DPYD: variants seen among roughly 807,000 people sequenced by gnomAD.
DPYD encodes the protein dihydropyrimidine dehydrogenase [NADP(+)].
Under a neutral mutation model 116.2 loss-of-function variants are expected in DPYD, and 109 were observed. That is an observed-to-expected ratio of 0.94 (90% CI 0.80 to 1.10). The LOEUF is 1.10. DPYD is among the 50% of genes least tolerant of loss of function. DPYD has a pLI of 0.00. For missense variants in DPYD, 1,302 were observed against 1,254.5 expected (o/e 1.04, Z -0.57); for synonymous variants, 440 against 432.0 (o/e 1.02, Z -0.23).
At chr1:97,102,961 C>A (rs568747063) in intron 20 of DPYD, among the ~76,000 whole-genome samples, 69 of 152,066 alleles carry the variant, frequency 4.5e-4, no homozygotes, top group Non-Finnish European at 7.9e-4. Context: ...TCTTTAAAAA[C>A]CTCAAAAAGC....
intron 20 of DPYD, among the ~76,000 whole-genome samples, chr1:97,165,903 T>C (rs1213896754): frequency 7.4e-6 from 1 of 135,292 alleles, no homozygotes; most frequent in African/African-American, 3.0e-5. Flanking sequence ...ATGACTACTA[T>C]TAAAAAGTTA....
chr1:97,613,330 C>T (rs1230421530), intron 8 of DPYD, among the ~76,000 whole-genome samples: 1 of 152,022 alleles, frequency 6.6e-6, no homozygotes, highest in Non-Finnish European at 1.5e-5. Context: ...TCCTTTATCA[C>T]ACTCTTTGTT....
At chr1:97,352,982 C>T (rs991596334) in intron 16 of DPYD, among the ~76,000 whole-genome samples, 1 of 151,646 alleles carries the variant, frequency 6.6e-6, no homozygotes, top group African/African-American at 2.4e-5. Context: ...GTGGGGGAGC[C>T]CATGAAGGCA....
At chr1:97,509,766 A>G (rs1490640306) in intron 13 of DPYD, among the ~76,000 whole-genome samples, 1 of 151,960 alleles carries the variant, frequency 6.6e-6, no homozygotes, top group Admixed American at 6.6e-5. Context: ...ACAGTTTGTT[A>G]AGACTTTAGA....
chr1:97,720,766 T>TA, intron 5 of DPYD: 1 of 1,465,660 alleles, frequency 6.8e-7, no homozygotes, highest in Admixed American at 2.9e-5. Flanking sequence ...CCAAAGATTA[T>TA]AAAATCTTAC....
At chr1:97,714,541 AT>A (rs914594637) in intron 5 of DPYD, among the ~76,000 whole-genome samples, 20 of 150,446 alleles carry the variant, frequency 1.3e-4, no homozygotes, top group African/African-American at 4.4e-4. Context: ...TTGTATTTAA[AT>A]TTTTCAGTAG....
chr1:97,150,449 A>C (rs1384114649), intron 20 of DPYD, among the ~76,000 whole-genome samples: 1 of 152,126 alleles, frequency 6.6e-6, no homozygotes, highest in East Asian at 1.9e-4. Flanking sequence ...GCACCATTCA[A>C]ATGTTCAAGA....
chr1:97,398,190 T>C (rs1292602594), intron 14 of DPYD, among the ~76,000 whole-genome samples: 4 of 152,072 alleles, frequency 2.6e-5, no homozygotes, highest in Non-Finnish European at 5.9e-5. Context: ...AGTGAGAACA[T>C]GCGGTGTTTG....
At chr1:97,525,787 A>T (rs921141261) in intron 12 of DPYD, among the ~76,000 whole-genome samples, 1 of 146,276 alleles carries the variant, frequency 6.8e-6, no homozygotes, top group African/African-American at 2.6e-5. Context: ...AGAGAGAGAG[A>T]GAGTGTGTGT....
chr1:97,217,189 C>T (rs1660467681), intron 19 of DPYD, among the ~76,000 whole-genome samples: 1 of 152,134 alleles, frequency 6.6e-6, no homozygotes, highest in South Asian at 2.1e-4. Flanking sequence ...GCCTCGGCGA[C>T]AGAGCAAGAC....
chr1:97,810,864 C>A (rs1237943145), intron 3 of DPYD, among the ~76,000 whole-genome samples: 4 of 152,102 alleles, frequency 2.6e-5, no homozygotes, highest in Non-Finnish European at 5.9e-5. Flanking sequence ...ACGAAATACT[C>A]CTAGTATAAA....
At chr1:97,906,256 T>A (rs1673612902) in intron 1 of DPYD, among the ~76,000 whole-genome samples, 1 of 152,088 alleles carries the variant, frequency 6.6e-6, no homozygotes, top group African/African-American at 2.4e-5. Context: ...TTATCATTTA[T>A]TAAATATAAT....
At chr1:97,840,912 G>A (rs1047310007) in intron 2 of DPYD, among the ~76,000 whole-genome samples, 2 of 152,012 alleles carry the variant, frequency 1.3e-5, no homozygotes, top group African/African-American at 4.8e-5. Flanking sequence ...GCATGAATGT[G>A]GACAGTTTGC....
intron 5 of DPYD, chr1:97,719,915 C>T: frequency 2.0e-6 from 2 of 984,908 alleles, no homozygotes; most frequent in Non-Finnish European, 2.4e-6. Context: ...ATGCATAACT[C>T]TTCATTAGGT....
intron 16 of DPYD, among the ~76,000 whole-genome samples, chr1:97,337,436 A>G (rs1472677926): frequency 6.6e-6 from 1 of 152,034 alleles, no homozygotes; most frequent in African/African-American, 2.4e-5. Flanking sequence ...GAAAGCTACT[A>G]ATTTCCCACT....
intron 8 of DPYD, among the ~76,000 whole-genome samples, chr1:97,669,053 G>T (rs1659717989): frequency 6.6e-6 from 1 of 151,210 alleles, no homozygotes; most frequent in Non-Finnish European, 1.5e-5. Flanking sequence ...AAAGCAAAAT[G>T]AACATCTGTT....
At chr1:97,785,941 C>T (rs955436559) in intron 3 of DPYD, among the ~76,000 whole-genome samples, 11 of 151,174 alleles carry the variant, frequency 7.3e-5, no homozygotes, top group African/African-American at 2.2e-4. Flanking sequence ...GATCCGCCTG[C>T]CTCGGCCTCC....
intron 20 of DPYD, among the ~76,000 whole-genome samples, chr1:97,182,114 T>C (rs917860561): frequency 2.6e-5 from 4 of 152,104 alleles, no homozygotes; most frequent in Non-Finnish European, 5.9e-5. Flanking sequence ...CTACAGCACA[T>C]TGACTTATTT....
At position 97,765,865 on chromosome 1, in the gene DPYD, A is replaced by G. The variant is rs149180676; in HGVS notation, c.234-25386T>C. Among the ~76,000 whole-genome samples, 503 of 152,348 alleles carry G rather than the reference A, an allele frequency of 3.3e-3. 1 individual carries two copies. The highest frequency in any genetic ancestry group is 0.024 in the Middle Eastern group (7 of 294). On this transcript the variant is annotated intron_variant, in intron 3 of 22. Transcript: ENST00000370192. ...AATTGATGCAAAAGCTAAAAAGACGATAAGTGAACTATTATCAAAGGCTGA... is the reference window on the plus strand; with the variant it reads ...AATTGATGCAAAAGCTAAAAAGACGGTAAGTGAACTATTATCAAAGGCTGA...
Sources: gnomAD v4.1 joint callset for allele counts (sites outside exome capture counted in the v4.1 genomes callset) on GRCh38, gnomAD v4.1.1 for gene constraint, MANE v1.5 for transcripts, NCBI Gene and HGNC (gene_info 2026-07-23, HGNC 2026-07-21) for gene names.